The following WDR76 variants were observed in gnomAD, a reference collection of about 807,000 sequenced individuals.
WDR76 encodes the protein WD repeat-containing protein 76.
WDR76 carries 52 observed loss-of-function variants against 70.2 expected under a neutral mutation model. That is an observed-to-expected ratio of 0.74 (90% CI 0.59 to 0.93). WDR76 has a LOEUF of 0.93. WDR76 is among the 40% of genes least tolerant of loss of function. WDR76 has a pLI of 0.00. For missense variants in WDR76, 756 were observed against 760.2 expected, an observed-to-expected ratio of 0.99 and a Z score of 0.07; for synonymous variants, 292 against 271.1, an observed-to-expected ratio of 1.08 and a Z score of -0.76.
At chr15:43,859,020 CT>C (rs1346384231) in intron 11 of WDR76, among the ~76,000 whole-genome samples, 197 bp downstream of exon 11, 4 of 152,120 alleles carry the variant, frequency 2.6e-5, no homozygotes, top group African/African-American at 9.7e-5. Context: ...TGGAAATTTC[CT>C]TGAGACTGGC....
At chr15:43,858,527 T>G in intron 10 of WDR76, 144 bp from the exon 11 acceptor site, 23 of 1,045,144 alleles carry the variant, frequency 2.2e-5, no homozygotes, top group African/African-American at 3.2e-5. Context: ...ATTACAGACT[T>G]GAGCCACCGC....
At chr15:43,829,195 C>T (rs2087556708) in intron 2 of WDR76, among the ~76,000 whole-genome samples, 1 of 151,822 alleles carries the variant, frequency 6.6e-6, no homozygotes, top group South Asian at 2.1e-4. Context: ...CCACTGCGCC[C>T]AGCCTGGTCT....
intron 9 of WDR76, among the ~76,000 whole-genome samples, chr15:43,855,259 A>G (rs2140310282): frequency 6.6e-6 from 1 of 152,338 alleles, no homozygotes; most frequent in South Asian, 2.1e-4. Context: ...CTTTATATAC[A>G]TCATTAAGCC....
chr15:43,858,146 T>G (rs1323713501), intron 10 of WDR76, among the ~76,000 whole-genome samples: 1 of 151,874 alleles, frequency 6.6e-6, no homozygotes, highest in Non-Finnish European at 1.5e-5. Flanking sequence ...TTGGCCAGGC[T>G]GGTCTTGAAC....
intron 12 of WDR76, 89 bp downstream of exon 12, chr15:43,861,475 G>A (rs1331203756): frequency 6.5e-6 from 8 of 1,236,526 alleles, no homozygotes; most frequent in African/African-American, 1.5e-5. Flanking sequence ...TTGTCAAAGA[G>A]ATGTAATAGT....
At chr15:43,856,317 A>T (rs534452011) in intron 9 of WDR76, among the ~76,000 whole-genome samples, 1 of 143,492 alleles carries the variant, frequency 7.0e-6, no homozygotes, top group East Asian at 2.1e-4. Context: ...ATGTAGCCTG[A>T]TTAACTGTCA....
chr15:43,827,887 G>A (rs527408058), intron 1 of WDR76, 78 bp from the exon 2 acceptor site: 1 of 1,372,618 alleles, frequency 7.3e-7, no homozygotes, highest in Non-Finnish European at 9.7e-7. Context: ...GGAATTATTA[G>A]ATCTGTTAGG....
At chr15:43,842,591 TACTA>T in intron 6 of WDR76, 33 bp from the exon 7 acceptor site, 1 of 1,602,148 alleles carries the variant, frequency 6.2e-7, no homozygotes. Context: ...AATATATACA[TACTA>T]ACTTAGTTCT....
chr15:43,837,545 TTG>T (rs2087671965), intron 4 of WDR76, among the ~76,000 whole-genome samples: 1 of 152,154 alleles, frequency 6.6e-6, no homozygotes, highest in Non-Finnish European at 1.5e-5. Flanking sequence ...AGTGTAGCCT[TTG>T]AGATTTAGCA....
intron 8 of WDR76, 140 bp from the exon 9 acceptor site, chr15:43,850,947 G>T (rs1254482240): frequency 1.3e-5 from 14 of 1,054,080 alleles, no homozygotes; most frequent in Non-Finnish European, 1.9e-5. Flanking sequence ...CTTTGTGAAG[G>T]GGAGAGTGGT....
chr15:43,851,071 C>T lies in WDR76; in HGVS notation c.1033-16C>T, dbSNP rs201073492. 3.2e-5 allele frequency: 52 copies of T among 1,611,618 alleles called. 1 individual carries two copies. The highest frequency in any genetic ancestry group is 2.5e-4 in the East Asian group (11 of 44,846). On this transcript the variant is annotated splice_polypyrimidine_tract_variant and intron_variant, in intron 8 of 12. Transcript: ENST00000263795. Reference sequence around the variant, plus strand: ...TAGTTTTTTTCTCTCTCCCCTTTCCCGCAACTCTCTTCCAGACCCAGCAAC... The same window carrying T: ...TAGTTTTTTTCTCTCTCCCCTTTCCTGCAACTCTCTTCCAGACCCAGCAAC...
chr15:43,856,222 A>G (rs2087925085), intron 9 of WDR76, among the ~76,000 whole-genome samples: 1 of 152,210 alleles, frequency 6.6e-6, no homozygotes, highest in African/African-American at 2.4e-5. Flanking sequence ...TATTGCTATT[A>G]TAAGCAATCT....
At chr15:43,841,371 G>A (rs976127650) in intron 5 of WDR76, among the ~76,000 whole-genome samples, 1 of 151,724 alleles carries the variant, frequency 6.6e-6, no homozygotes, top group Non-Finnish European at 1.5e-5. Context: ...TAATTTTTTT[G>A]TATTTTTAGT....
At chr15:43,834,064 T>G (rs2087625465) in intron 2 of WDR76, among the ~76,000 whole-genome samples, 1 of 152,236 alleles carries the variant, frequency 6.6e-6, no homozygotes, top group Admixed American at 6.5e-5. Context: ...GTTTATCTTT[T>G]TGTTCTACTT....
At chr15:43,857,189 C>A in intron 10 of WDR76, 26 bp downstream of exon 10, 1 of 1,570,992 alleles carries the variant, frequency 6.4e-7, no homozygotes, top group South Asian at 1.2e-5. Context: ...GACTTTATGA[C>A]TTAGACCTTT....
intron 12 of WDR76, among the ~76,000 whole-genome samples, chr15:43,864,241 A>G (rs754020943): frequency 1.3e-4 from 20 of 152,234 alleles, no homozygotes; most frequent in Non-Finnish European, 2.5e-4. Flanking sequence ...GGTATCTCAT[A>G]GATAGTTCAT....
chr15:43,827,259 G>A, intron 1 of WDR76, 167 bp downstream of exon 1: 1 of 732,310 alleles, frequency 1.4e-6, no homozygotes, highest in Non-Finnish European at 2.2e-6. Context: ...AATAACCCGA[G>A]AAATAGTGGG....
At chr15:43,852,526 C>T (rs1286512799) in intron 9 of WDR76, among the ~76,000 whole-genome samples, 1 of 152,082 alleles carries the variant, frequency 6.6e-6, no homozygotes, top group East Asian at 1.9e-4. Context: ...CGCATGCCAC[C>T]ATGCCAAGCT....
Position 43,835,041 on chromosome 15 carries a change from T to C in WDR76, c.463-20T>C. 6.2e-7 allele frequency: 1 copy of C among 1,603,568 alleles called. No individual in the cohort carries two copies. The highest frequency in any genetic ancestry group is 8.5e-7 in the Non-Finnish European group (1 of 1,170,800). ...GTAGATTATATAAAGTAATGGAATC[T>C]TTTTGGTGTAATTTTATAGGATTTT... On this transcript the variant is annotated intron_variant, in intron 2 of 12. Transcript: ENST00000263795.
Sources: gnomAD v4.1 joint callset for allele counts (sites outside exome capture counted in the v4.1 genomes callset) on GRCh38, gnomAD v4.1.1 for gene constraint, MANE v1.5 for transcripts, NCBI Gene and HGNC (gene_info 2026-07-23, HGNC 2026-07-21) for gene names.